PPP6R3: variants seen among roughly 807,000 people sequenced by gnomAD.
PPP6R3 encodes serine/threonine-protein phosphatase 6 regulatory subunit 3.
In PPP6R3, 38 loss-of-function variants were observed where a neutral mutation model predicts 110.7. The ratio of observed to expected loss-of-function variants is 0.34; its 90% confidence interval spans 0.26 to 0.45. The LOEUF (loss-of-function observed/expected upper bound fraction) is 0.45. Among genes scored for constraint, PPP6R3 ranks in the 20% least tolerant of loss-of-function variants. The pLI is 1.00. For synonymous variants in PPP6R3, 369 were observed against 373.5 expected, an observed-to-expected ratio of 0.99 and a Z score of 0.14; for missense variants, 870 against 1,062.4, an observed-to-expected ratio of 0.82 and a Z score of 2.52.
At chr11:68,606,446 G>A (rs1407651072) in intron 22 of PPP6R3, among the ~76,000 whole-genome samples, 1 of 150,294 alleles carries the variant, frequency 6.7e-6, no homozygotes, top group African/African-American at 2.4e-5. Flanking sequence ...AGGACTACAG[G>A]CACACGCCAC....
Position 68,614,699 on chromosome 11 carries a change from G to C in PPP6R3, c.*1582G>C. Reference sequence around the variant, plus strand: ...GTAAGCCCTGGGACAGGTGGCAAGGGTGGGTCCCTTGACCTTTGCACGCCT... The same window carrying C: ...GTAAGCCCTGGGACAGGTGGCAAGGCTGGGTCCCTTGACCTTTGCACGCCT... On this transcript the variant is annotated 3_prime_UTR_variant, in exon 24 of 24. Coordinates refer to ENST00000393800, the MANE Select transcript of PPP6R3 (RefSeq NM_001164161.2). The C allele has an allele frequency of 2.0e-6, 3 of 1,528,808 alleles. No homozygotes were observed. Among genetic ancestry groups the C allele is most frequent in the Non-Finnish European group, 1.8e-6 (2 of 1,139,230 alleles). 94.7% of individuals were successfully genotyped at this position (1,528,808 alleles called of 1,614,324 possible).
At chr11:68,577,366 T>G (rs2099535878) in intron 14 of PPP6R3, among the ~76,000 whole-genome samples, 1 of 152,134 alleles carries the variant, frequency 6.6e-6, no homozygotes, top group Non-Finnish European at 1.5e-5. Flanking sequence ...ATTTTGGAGG[T>G]TCCCACGTTG....
intron 1 of PPP6R3, among the ~76,000 whole-genome samples, chr11:68,472,144 TG>T (rs1196713946): frequency 6.6e-6 from 1 of 152,130 alleles, no homozygotes; most frequent in Non-Finnish European, 1.5e-5. Context: ...TTCATTTAAC[TG>T]GGGTTGTGGT....
chr11:68,565,233 G>A (rs879489666), intron 9 of PPP6R3, among the ~76,000 whole-genome samples: 6 of 151,932 alleles, frequency 3.9e-5, no homozygotes, highest in Non-Finnish European at 8.8e-5. Context: ...AGTTGGGGGA[G>A]CACAGGATAA....
intron 1 of PPP6R3, among the ~76,000 whole-genome samples, chr11:68,482,752 A>C (rs1047130190): frequency 3.3e-5 from 5 of 152,264 alleles, no homozygotes; most frequent in African/African-American, 1.2e-4. Context: ...CACCTTTTCC[A>C]AATCCTTTTC....
In PPP6R3 at chr11:68,614,583, A is replaced by G. The variant is rs1269771436; in HGVS notation, c.*1466A>G. The G allele has an allele frequency of 1.3e-6, 2 of 1,506,774 alleles. No homozygotes were observed. The allele number at this position is 1,506,774 out of a possible 1,614,324, so 93.3% of individuals were successfully genotyped here. A position where few individuals can be genotyped will look rare whatever the true frequency, so the allele number is the denominator to read the frequency against. ...TTACATTGCATATGGAAATAAAAGAATCAAACGTCTAATGCCTTATTATTT... is the reference window on the plus strand; with the variant it reads ...TTACATTGCATATGGAAATAAAAGAGTCAAACGTCTAATGCCTTATTATTT... On this transcript the variant is annotated 3_prime_UTR_variant, in exon 24 of 24. Transcript: ENST00000393800.
chr11:68,575,903 G>A, intron 13 of PPP6R3, 55 bp from the exon 14 acceptor site: 1 of 1,325,418 alleles, frequency 7.5e-7, no homozygotes, highest in Non-Finnish European at 1.1e-6. Flanking sequence ...TACTTTATTT[G>A]TCTCCGTGGA....
Position 68,542,389 on chromosome 11 carries a change from G to GTTTTTTTTTTGTTTTTT in PPP6R3, c.228-2439_228-2438insGTTTTTTTTTTTTTTTT, listed in dbSNP as rs1555132282. The stretch of plus-strand genomic sequence containing the variant: ...ATCTTTGGGTGCTTGAGAAGCTGCT[G>GTTTTTTTTTTGTTTTTT]TTTTTTTTTTTTTTTTTTTTTTAAG... On this transcript the variant is annotated intron_variant, in intron 3 of 23. Transcript: ENST00000393800. 2.0e-4 allele frequency among the ~76,000 whole-genome samples: 8 copies of GTTTTTTTTTTGTTTTTT among 40,208 alleles called. 1 individual carries two copies. Among genetic ancestry groups the GTTTTTTTTTTGTTTTTT allele is most frequent in the Admixed American group, 4.3e-4 (1 of 2,322 alleles). 26.4% of individuals were successfully genotyped at this position (40,208 alleles called of 152,430 possible).
intron 1 of PPP6R3, among the ~76,000 whole-genome samples, chr11:68,475,589 T>TG (rs1591634576): frequency 7.1e-6 from 1 of 140,774 alleles, no homozygotes; most frequent in South Asian, 2.3e-4. Flanking sequence ...GGGCGGGGGC[T>TG]GCCCCCCACC....
chr11:68,467,913 T>C (rs1249442743), intron 1 of PPP6R3, among the ~76,000 whole-genome samples: 2 of 152,214 alleles, frequency 1.3e-5, no homozygotes, highest in East Asian at 3.8e-4. Flanking sequence ...TAGCTGGGAC[T>C]ACAGGCGTGT....
intron 3 of PPP6R3, among the ~76,000 whole-genome samples, chr11:68,541,226 G>T (rs1353300550): frequency 6.6e-6 from 1 of 152,200 alleles, no homozygotes; most frequent in African/African-American, 2.4e-5. Context: ...TCTGTTTGGG[G>T]TCCCTGACTT....
At chr11:68,475,962 G>A (rs182366314) in intron 1 of PPP6R3, among the ~76,000 whole-genome samples, 2 of 148,468 alleles carry the variant, frequency 1.3e-5, no homozygotes, top group Middle Eastern at 3.5e-3. Flanking sequence ...GGGAAGAGGC[G>A]CTCCTCACTT....
chr11:68,501,037 T>C (rs1174978787), intron 1 of PPP6R3, among the ~76,000 whole-genome samples: 1 of 152,226 alleles, frequency 6.6e-6, no homozygotes, highest in Admixed American at 6.5e-5. Context: ...GTTCAGAATG[T>C]TGCAGGGCAT....
intron 10 of PPP6R3, among the ~76,000 whole-genome samples, chr11:68,568,481 C>G (rs917213802): frequency 2.6e-5 from 4 of 152,126 alleles, no homozygotes; most frequent in Admixed American, 6.6e-5. Flanking sequence ...AAATTGACTT[C>G]CAAAATATGG....
chr11:68,602,129 A>G (rs892404745), intron 21 of PPP6R3, among the ~76,000 whole-genome samples, 160 bp downstream of exon 21: 1 of 152,218 alleles, frequency 6.6e-6, no homozygotes, highest in African/African-American at 2.4e-5. Context: ...GTCCTTCTAG[A>G]ACCACAGCAT....
chr11:68,547,667 A>T (rs561219141), intron 4 of PPP6R3, among the ~76,000 whole-genome samples: 78 of 152,320 alleles, frequency 5.1e-4, no homozygotes, highest in African/African-American at 1.8e-3. Context: ...TCCAGTTAGG[A>T]TTTTGAATAT....
intron 1 of PPP6R3, among the ~76,000 whole-genome samples, chr11:68,490,051 C>T (rs1314756343): frequency 6.6e-6 from 1 of 152,144 alleles, no homozygotes; most frequent in Non-Finnish European, 1.5e-5. Flanking sequence ...TGAATCTTCA[C>T]TTAATTCCCT....
At chr11:68,563,628 T>C (rs1242942969) in intron 8 of PPP6R3, among the ~76,000 whole-genome samples, 1 of 152,202 alleles carries the variant, frequency 6.6e-6, no homozygotes. Flanking sequence ...CAGTACTCAG[T>C]GCAGTATGCA....
At position 68,603,228 on chromosome 11, in the gene PPP6R3, CT is replaced by C. The variant is rs1317591643; in HGVS notation, c.2300-106del. 34 of 1,366,280 alleles carry C rather than the reference CT, an allele frequency of 2.5e-5. No individual in the cohort carries two copies. In the South Asian group the frequency reaches 3.1e-4, roughly 13 times the overall value. The allele number at this position is 1,366,280 out of a possible 1,614,324, so 84.6% of individuals were successfully genotyped here. ...AACAGCAGGCAGAAGCCATCTCACTCTTTTTTTTCTTCAAGCAGTAGATGTC... is the reference window on the plus strand; with the variant it reads ...AACAGCAGGCAGAAGCCATCTCACTCTTTTTTTCTTCAAGCAGTAGATGTC... On this transcript the variant is annotated intron_variant, in intron 21 of 23. Coordinates refer to ENST00000393800, the MANE Select transcript of PPP6R3 (RefSeq NM_001164161.2).
Sources: gnomAD v4.1 joint callset for allele counts (sites outside exome capture counted in the v4.1 genomes callset) on GRCh38, gnomAD v4.1.1 for gene constraint, MANE v1.5 for transcripts, NCBI Gene and HGNC (gene_info 2026-07-23, HGNC 2026-07-21) for gene names.